AGO1: variants seen among roughly 807,000 people sequenced by gnomAD.
The protein encoded by AGO1 is protein argonaute-1.
Under a neutral mutation model 109.2 loss-of-function variants are expected in AGO1, and 11 were observed. That is an observed-to-expected ratio of 0.10 (90% CI 0.06 to 0.17). The LOEUF (loss-of-function observed/expected upper bound fraction) is 0.17, where lower values mean the gene tolerates loss of function less well. Ranked by LOEUF, AGO1 falls within the 10% of genes least tolerant of loss-of-function variation. The pLI is 1.00. For synonymous variants in AGO1, 422 were observed against 418.6 expected, an observed-to-expected ratio of 1.01 and a Z score of -0.10; for missense variants, 574 against 1,140.3, an observed-to-expected ratio of 0.50 and a Z score of 7.15.
At chr1:35,873,069 T>TA (rs397863818) in intron 1 of AGO1, among the ~76,000 whole-genome samples, 5 of 151,696 alleles carry the variant, frequency 3.3e-5, no homozygotes, top group African/African-American at 7.3e-5. Context: ...TTTTTTTTTT[T>TA]ATTGGAGTAT....
chr1:35,904,602 A>T (rs1158818938), intron 11 of AGO1, among the ~76,000 whole-genome samples: 1 of 152,216 alleles, frequency 6.6e-6, no homozygotes, highest in Admixed American at 6.5e-5. Context: ...TATGGGCACC[A>T]GTAAACCCAG....
Position 35,926,944 on chromosome 1 carries a change from G to GT in AGO1, c.*7356dup, listed in dbSNP as rs56299314. ...TCTTGGCAATGGTTTTTTGTTTGGG[G>GT]TTTTTTTTTTTTTTTTTTTGGACAA... On this transcript the variant is annotated 3_prime_UTR_variant, in exon 19 of 19. Transcript: ENST00000373204. 0.094 allele frequency: 11,779 copies of GT among 125,236 alleles called. 643 individuals are homozygous for GT. Among genetic ancestry groups the GT allele is most frequent in the South Asian group, 0.17 (671 of 3,976 alleles). 7.8% of individuals were successfully genotyped at this position (125,236 alleles called of 1,614,324 possible). A position where few individuals can be genotyped will look rare whatever the true frequency, so the allele number is the denominator to read the frequency against.
Position 35,914,212 on chromosome 1 carries a change from T to C in AGO1, c.1771T>C (p.Phe591Leu). ...TGCCGTTTTTCAACAGCCAGTGATA[T>C]TCCTGGGAGCAGATGTTACACACCC... ...RSAVFQQPVI[F>L]LGADVTHPPA... is the part of the protein sequence containing the mutation. Residue 591 changes from phenylalanine (F) to leucine (L), a missense_variant, in exon 14 of 19, where the codon TTC (phenylalanine) becomes CTC (leucine). Coordinates refer to ENST00000373204, the MANE Select transcript of AGO1 (RefSeq NM_012199.5). 1.2e-6 allele frequency: 2 copies of C among 1,614,194 alleles called. No homozygotes were observed. Among genetic ancestry groups the C allele is most frequent in the African/African-American group, 1.3e-5 (1 of 75,034 alleles).
chr1:35,918,246 C>G (rs751956767), intron 16 of AGO1, 76 bp from the exon 17 acceptor site: 12 of 1,165,898 alleles, frequency 1.0e-5, no homozygotes, highest in Non-Finnish European at 1.4e-5. Flanking sequence ...TTGGTGAAAT[C>G]AGAGTAGAAT....
intron 3 of AGO1, 83 bp downstream of exon 3, chr1:35,892,760 A>C: frequency 6.3e-7 from 1 of 1,581,496 alleles, no homozygotes; most frequent in Non-Finnish European, 8.7e-7. Context: ...AGATCCAGAG[A>C]TCCTTTTCAT....
At chr1:35,905,251 A>G (rs953063408) in intron 11 of AGO1, among the ~76,000 whole-genome samples, 3 of 152,214 alleles carry the variant, frequency 2.0e-5, no homozygotes, top group Non-Finnish European at 4.4e-5. Context: ...GGGCAGAGAA[A>G]TGGAAAACAT....
intron 12 of AGO1, among the ~76,000 whole-genome samples, chr1:35,909,693 C>T (rs1172840342): frequency 1.3e-5 from 2 of 152,174 alleles, no homozygotes; most frequent in African/African-American, 4.8e-5. Flanking sequence ...TTACTTGATA[C>T]TTTGTTGTGG....
chr1:35,886,532 C>T (rs575837311), intron 1 of AGO1, among the ~76,000 whole-genome samples: 1 of 152,128 alleles, frequency 6.6e-6, no homozygotes, highest in African/African-American at 2.4e-5. Flanking sequence ...TCCCATCCCC[C>T]ATCATTTCTA....
rs367822203 is a variant in AGO1, at chr1:35,874,594, A to G, written c.-201+4691A>G. 5.3e-4 allele frequency among the ~76,000 whole-genome samples: 81 copies of G among 152,334 alleles called. No homozygotes were observed. The South Asian group carries it at 0.016, about 31-fold the overall frequency. On this transcript the variant is annotated intron_variant, in intron 1 of 18. Coordinates refer to the AGO1 transcript ENST00000373206. ...AAAGTAGGCCAATTAATAACCCTGC[A>G]ATGGCCTGTAAGTGTTCAAGTGAAA...
chr1:35,902,015 T>C lies in AGO1; in HGVS notation c.1208T>C (p.Met403Thr), dbSNP rs1645425404. ...TTTGGGATCAAAGTGAAGGATGACA[T>C]GACGGAGGTGACAGGGCGAGTGCTG... ...QEFGIKVKDD[M>T]TEVTGRVLPA... The change falls in exon 10 of 19, where the codon ATG (methionine) becomes ACG (threonine). Residue 403 changes from methionine (M) to threonine (T), a missense_variant. Coordinates refer to ENST00000373204, the MANE Select transcript of AGO1 (RefSeq NM_012199.5). 6.2e-7 allele frequency: 1 copy of C among 1,612,122 alleles called. No individual in the cohort carries two copies. Among genetic ancestry groups the C allele is most frequent in the Middle Eastern group, 1.7e-4 (1 of 6,050 alleles).
chr1:35,907,471 A>G (rs1645544789), intron 12 of AGO1, among the ~76,000 whole-genome samples: 1 of 152,060 alleles, frequency 6.6e-6, no homozygotes. Context: ...GTGCAGCACA[A>G]CCAAGCAGAA....
chr1:35,917,511 C>CAA, intron 15 of AGO1, 82 bp from the exon 16 acceptor site: 1 of 1,437,794 alleles, frequency 7.0e-7, no homozygotes, highest in Non-Finnish European at 9.3e-7. Context: ...TTACAAGTGG[C>CAA]AACTCCTTAG....
Position 35,898,419 on chromosome 1 carries a change from G to A in AGO1, c.1021-3055G>A, listed in dbSNP as rs745655748. ...ATGCAGGCGCCGACCACCACGCCTG[G>A]CTAATTTTTTGTATTTTTAGTAGAG... On this transcript the variant is annotated intron_variant, in intron 8 of 18. Transcript: ENST00000373204. 8.5e-4 allele frequency among the ~76,000 whole-genome samples: 130 copies of A among 152,144 alleles called. 1 individual carries two copies. The highest frequency in any genetic ancestry group is 3.1e-3 in the African/African-American group (128 of 41,502).
At chr1:35,916,613 C>T (rs1165448694) in intron 15 of AGO1, among the ~76,000 whole-genome samples, 2 of 152,230 alleles carry the variant, frequency 1.3e-5, no homozygotes, top group African/African-American at 2.4e-5. Flanking sequence ...AATGATCCAC[C>T]CGCCTTGGCC....
chr1:35,874,271 G>A (rs949190707), intron 1 of AGO1, among the ~76,000 whole-genome samples: 4 of 152,118 alleles, frequency 2.6e-5, no homozygotes, highest in Admixed American at 6.5e-5. Flanking sequence ...GGGCTCAATC[G>A]ATCCTCCCAC....
At chr1:35,918,571 G>A (rs1227318173) in intron 17 of AGO1, 148 bp downstream of exon 17, 22 of 766,434 alleles carry the variant, frequency 2.9e-5, no homozygotes, top group Admixed American at 8.4e-5. Flanking sequence ...GTTTTGAGGC[G>A]GAGTCTCACT....
intron 12 of AGO1, among the ~76,000 whole-genome samples, chr1:35,907,423 G>GTTCCTGTCCTCAGGAGTGCA (rs1557616215): frequency 6.6e-6 from 1 of 151,954 alleles, no homozygotes; most frequent in East Asian, 1.9e-4. Flanking sequence ...TTAGGAGTGC[G>GTTCCTGTCCTCAGGAGTGCA]TTCCTGTCCT....
chr1:35,900,700 C>T (rs1239214410), intron 8 of AGO1, among the ~76,000 whole-genome samples: 5 of 152,124 alleles, frequency 3.3e-5, no homozygotes, highest in African/African-American at 1.2e-4. Context: ...GCACTTCAGC[C>T]TGGGCAAGAA....
At chr1:35,913,765 C>T in intron 12 of AGO1, 77 bp from the exon 13 acceptor site, 5 of 1,485,168 alleles carry the variant, frequency 3.4e-6, no homozygotes, top group Non-Finnish European at 4.6e-6. Context: ...CCTAGCACCT[C>T]ATACACTGCC....
Sources: gnomAD v4.1 joint callset for allele counts (sites outside exome capture counted in the v4.1 genomes callset) on GRCh38, gnomAD v4.1.1 for gene constraint, MANE v1.5 for transcripts, NCBI Gene and HGNC (gene_info 2026-07-23, HGNC 2026-07-21) for gene names.